Variants in GOLGA5 observed in about 807,000 individuals in gnomAD.
The protein encoded by GOLGA5 is golgin A5, also known as golgin subfamily A member 5.
In GOLGA5, 50 loss-of-function variants were observed where a neutral mutation model predicts 93.5. The ratio of observed to expected loss-of-function variants is 0.53; its 90% CI spans 0.43 to 0.68. The LOEUF is 0.68. Among genes scored for constraint, GOLGA5 ranks in the 30% least tolerant of loss-of-function variants. GOLGA5 has a pLI of 0.00. For synonymous variants in GOLGA5, 312 were observed against 304.5 expected, an observed-to-expected ratio of 1.02 and a Z score of -0.26; for missense variants, 760 against 856.4, an observed-to-expected ratio of 0.89 and a Z score of 1.40.
At chr14:92,815,699 C>CTTTCT (rs951440402) in intron 6 of GOLGA5, among the ~76,000 whole-genome samples, 1 of 91,264 alleles carries the variant, frequency 1.1e-5, no homozygotes, top group Non-Finnish European at 2.0e-5. Context: ...TTTTTTTAAT[C>CTTTCT]TTTTTTTTTT....
intron 7 of GOLGA5, among the ~76,000 whole-genome samples, chr14:92,817,778 C>A (rs1344928925): frequency 6.6e-6 from 1 of 152,178 alleles, no homozygotes; most frequent in Admixed American, 6.5e-5. Context: ...ACTTGAATAG[C>A]AGACAGACGT....
At chr14:92,805,445 A>G (rs1171154636) in intron 2 of GOLGA5, among the ~76,000 whole-genome samples, 2 of 152,186 alleles carry the variant, frequency 1.3e-5, no homozygotes, top group Non-Finnish European at 2.9e-5. Context: ...TAAAACTGCT[A>G]TAAACATTTT....
At chr14:92,806,212 T>C (rs1884982665) in intron 2 of GOLGA5, among the ~76,000 whole-genome samples, 1 of 152,238 alleles carries the variant, frequency 6.6e-6, no homozygotes, top group African/African-American at 2.4e-5. Flanking sequence ...TCTGTTGTCA[T>C]TCATTCAGTG....
chr14:92,830,903 AT>A (rs1435768113), intron 9 of GOLGA5, among the ~76,000 whole-genome samples: 2 of 152,148 alleles, frequency 1.3e-5, no homozygotes, highest in African/African-American at 4.8e-5. Flanking sequence ...CCTGGCCTAA[AT>A]ATAACTTTTA....
intron 8 of GOLGA5, among the ~76,000 whole-genome samples, chr14:92,823,377 GAC>G (rs1289699673): frequency 6.7e-6 from 1 of 148,694 alleles, no homozygotes; most frequent in Non-Finnish European, 1.5e-5. Flanking sequence ...ATGTCTTTAT[GAC>G]CCGTTCTCCT....
intron 2 of GOLGA5, among the ~76,000 whole-genome samples, chr14:92,806,085 TCTC>T (rs1338227076): frequency 6.0e-5 from 9 of 149,492 alleles, no homozygotes; most frequent in South Asian, 4.2e-4. Context: ...ATTTGAGACT[TCTC>T]CTGGTTTTTT....
chr14:92,803,951 TG>T (rs1259838259), intron 2 of GOLGA5, among the ~76,000 whole-genome samples: 2 of 152,336 alleles, frequency 1.3e-5, no homozygotes, highest in African/African-American at 4.8e-5. Context: ...GATGGCCTAA[TG>T]TTGTTTATAT....
intron 3 of GOLGA5, among the ~76,000 whole-genome samples, chr14:92,807,535 A>T (rs912822106): frequency 6.6e-6 from 1 of 152,216 alleles, no homozygotes; most frequent in Non-Finnish European, 1.5e-5. Flanking sequence ...ACTGAGAGGA[A>T]CAAACTAGTA....
intron 9 of GOLGA5, among the ~76,000 whole-genome samples, chr14:92,827,117 C>A (rs1674839921): frequency 6.6e-6 from 1 of 152,158 alleles, no homozygotes; most frequent in South Asian, 2.1e-4. Flanking sequence ...GGTGCACAGC[C>A]ATTTCTTTTA....
At position 92,824,601 on chromosome 14, in the gene GOLGA5, G is replaced by A; in HGVS notation, c.1676G>A (p.Arg559Lys). Residue 559 changes from arginine to lysine, a missense_variant, in exon 9 of 13, where the codon AGA (arginine) becomes AAA (lysine). Arg to Lys is a conservative substitution (Grantham distance 26, BLOSUM62 2). Coordinates refer to ENST00000163416, the MANE Select transcript of GOLGA5 (RefSeq NM_005113.4). The stretch of plus-strand genomic sequence containing the variant: ...CGAACAAAGAACACATTGCAAAGCA[G>A]AATTAAAGATCGAGACGAAGAAATT... ...LYRTKNTLQS[R>K]IKDRDEEIQK... 1 of 1,605,462 alleles carries A rather than the reference G, an allele frequency of 6.2e-7. No individual in the cohort carries two copies. The highest frequency in any genetic ancestry group is 8.5e-7 in the Non-Finnish European group (1 of 1,173,936).
chr14:92,818,340 C>A (rs905611701), intron 7 of GOLGA5, among the ~76,000 whole-genome samples: 2 of 152,164 alleles, frequency 1.3e-5, no homozygotes, highest in African/African-American at 2.4e-5. Flanking sequence ...CTTACCATAA[C>A]TCTGTGAGGG....
At chr14:92,835,474 C>G in intron 10 of GOLGA5, 85 bp from the exon 11 acceptor site, 1 of 847,048 alleles carries the variant, frequency 1.2e-6, no homozygotes, top group Non-Finnish European at 1.8e-6. Flanking sequence ...AAATTCCTTC[C>G]ACATGTAATA....
In GOLGA5 at chr14:92,839,773, AT is replaced by A; in HGVS notation, c.*328del. On this transcript the variant is annotated 3_prime_UTR_variant, in exon 13 of 13. Transcript: ENST00000163416. ...TGTTAGGTGACATTGATTATGGGTT[AT>A]AATCAGGGAAACTAATTGTATTTAG... 2 of 289,668 alleles carry A rather than the reference AT, an allele frequency of 6.9e-6. No homozygotes were observed. The highest frequency in any genetic ancestry group is 1.3e-5 in the Non-Finnish European group (2 of 156,626). The allele number at this position is 289,668 out of a possible 1,614,324, so 17.9% of individuals were successfully genotyped here.
chr14:92,797,428 T>G lies in GOLGA5; in HGVS notation c.-10T>G. ...TACAGGTTTGCCAATAGGATTATCC[T>G]GCTGCCATCATGTCTTGGTTTGTTG... On this transcript the variant is annotated 5_prime_UTR_variant, in exon 2 of 13. Transcript: ENST00000163416. 6.3e-7 allele frequency: 1 copy of G among 1,592,204 alleles called. No homozygotes were observed. The highest frequency in any genetic ancestry group is 8.5e-7 in the Non-Finnish European group (1 of 1,169,852).
intron 3 of GOLGA5, among the ~76,000 whole-genome samples, chr14:92,807,530 G>C (rs1403426056): frequency 2.0e-5 from 3 of 152,142 alleles, no homozygotes; most frequent in African/African-American, 7.2e-5. Flanking sequence ...GAAGAACTGA[G>C]AGGAACAAAC....
chr14:92,815,046 A>G (rs1251195954), intron 6 of GOLGA5, among the ~76,000 whole-genome samples: 2 of 152,192 alleles, frequency 1.3e-5, no homozygotes, highest in Non-Finnish European at 2.9e-5. Context: ...GCCTCCTAAA[A>G]TGCATCTCTA....
chr14:92,797,731 T>G lies in GOLGA5; in HGVS notation c.294T>G (p.Val98=). The G allele has an allele frequency of 1.9e-6, 3 of 1,613,864 alleles. No homozygotes were observed. The highest frequency in any genetic ancestry group is 2.5e-6 in the Non-Finnish European group (3 of 1,179,854). ...CACCAGTAGAGGCCTCTCATCCTGTTGAAAATGCATCTGTTCCTAGGCCTT... is the reference window on the plus strand; with the variant it reads ...CACCAGTAGAGGCCTCTCATCCTGTGGAAAATGCATCTGTTCCTAGGCCTT... ...SRTPVEASHP[V]ENASVPRPSS... is the part of the protein sequence containing the mutation. Residue 98 remains valine, a synonymous_variant, in exon 2 of 13, where the codon GTT becomes GTG. Coordinates refer to ENST00000163416, the MANE Select transcript of GOLGA5 (RefSeq NM_005113.4).
intron 2 of GOLGA5, among the ~76,000 whole-genome samples, chr14:92,804,376 C>CA (rs1023936586): frequency 2.0e-5 from 3 of 151,230 alleles, no homozygotes; most frequent in Admixed American, 6.6e-5. Flanking sequence ...TACTTCATTT[C>CA]TTTTTAAAAT....
rs574424028 is a variant in GOLGA5, at chr14:92,795,618, A to G, written c.-31+1162A>G. Reference sequence around the variant, plus strand: ...CAGTCATATAAAAATTCCACTCAGCAGTATTTGTGAGTGCCTACTGTGTGC... The same window carrying G: ...CAGTCATATAAAAATTCCACTCAGCGGTATTTGTGAGTGCCTACTGTGTGC... On this transcript the variant is annotated intron_variant, in intron 1 of 12. Coordinates refer to ENST00000163416, the MANE Select transcript of GOLGA5 (RefSeq NM_005113.4). Among the ~76,000 whole-genome samples the G allele has an allele frequency of 1.8e-4, 27 of 152,390 alleles. 1 individual carries two copies. In the South Asian group the frequency reaches 5.6e-3, roughly 32 times the overall value.
Sources: allele counts gnomAD v4.1 joint callset (sites outside exome capture counted in the v4.1 genomes callset), GRCh38; gene constraint gnomAD v4.1.1; transcripts MANE v1.5; gene names NCBI Gene and HGNC (gene_info 2026-07-23, HGNC 2026-07-21).